The following SAA1 variants were observed in gnomAD, a reference collection of about 807,000 sequenced individuals.
SAA1 encodes serum amyloid A1.
A neutral mutation model predicts 9.8 loss-of-function variants in SAA1; 4 were observed. The observed-to-expected ratio is 0.41, with a 90% confidence interval of 0.20 to 0.93. The LOEUF (loss-of-function observed/expected upper bound fraction) is 0.93. SAA1 is among the 40% of genes least tolerant of loss of function. The pLI is 0.33. For missense variants in SAA1, 114 were observed against 155.5 expected (o/e 0.73, Z 1.42); for synonymous variants, 47 against 57.7 (o/e 0.82, Z 0.84).
chr11:18,268,831 T>TAAAAAAAAAAA (rs371021832), intron 2 of SAA1, among the ~76,000 whole-genome samples: 7 of 110,624 alleles, frequency 6.3e-5, no homozygotes, highest in African/African-American at 1.1e-4. Flanking sequence ...AGACTCTGTC[T>TAAAAAAAAAAA]AAAAAAAAAA....
At chr11:18,269,481 G>T in intron 3 of SAA1, 148 bp downstream of exon 3, 3 of 1,448,440 alleles carry the variant, frequency 2.1e-6, no homozygotes, top group Non-Finnish European at 2.7e-6. Context: ...CTCAGTGTGA[G>T]GTCTGAGTGG....
intron 1 of SAA1, 102 bp downstream of exon 1, chr11:18,266,398 C>T (rs1055328589): frequency 2.6e-5 from 4 of 152,660 alleles, no homozygotes; most frequent in African/African-American, 9.8e-5. Context: ...CTGGGGCATA[C>T]AGCCATACCA....
Position 18,266,940 on chromosome 11 carries a change from G to A in SAA1, c.53G>A (p.Ser18Asn). ...VFCSLVLGVS[S>N]RSFFSFLGEA... ...TGCTCCTTGGTCCTGGGTGTCAGCAGCCGAAGCTTCTTTTCGTTCCTTGGC... is the reference window on the plus strand; with the variant it reads ...TGCTCCTTGGTCCTGGGTGTCAGCAACCGAAGCTTCTTTTCGTTCCTTGGC... Residue 18 changes from serine to asparagine, a missense_variant, in exon 2 of 4, where the codon AGC (serine) becomes AAC (asparagine). This residue lies in a region of SAA1 where 46 missense variants were observed against 100.8 expected (regional missense o/e 0.46). Transcript: ENST00000356524. 1.2e-6 allele frequency: 2 copies of A among 1,612,086 alleles called. No homozygotes were observed. Among genetic ancestry groups the A allele is most frequent in the African/African-American group, 1.3e-5 (1 of 74,250 alleles).
At chr11:18,268,395 G>A (rs1368267422) in intron 2 of SAA1, among the ~76,000 whole-genome samples, 1 of 151,980 alleles carries the variant, frequency 6.6e-6, no homozygotes, top group African/African-American at 2.4e-5. Flanking sequence ...AGAAAGTGCA[G>A]CCAAGGCAGA....
chr11:18,269,070 T>A, intron 2 of SAA1, 125 bp from the exon 3 acceptor site: 1 of 1,461,190 alleles, frequency 6.8e-7, no homozygotes, highest in East Asian at 2.3e-5. Flanking sequence ...TATCCAAGGC[T>A]GCTATGATCA....
chr11:18,269,064 C>G, intron 2 of SAA1, 131 bp from the exon 3 acceptor site: 2 of 1,370,600 alleles, frequency 1.5e-6, no homozygotes, highest in African/African-American at 1.5e-5. Flanking sequence ...CCATGGTATC[C>G]AAGGCTGCTA....
chr11:18,266,639 T>C, intron 1 of SAA1: 2 of 548,262 alleles, frequency 3.6e-6, no homozygotes, highest in South Asian at 4.3e-5. Flanking sequence ...AGTCTGGTGG[T>C]AACTCCTGCC....
intron 2 of SAA1, among the ~76,000 whole-genome samples, chr11:18,268,193 A>G (rs2134166381): frequency 6.6e-6 from 1 of 152,004 alleles, no homozygotes. Flanking sequence ...CAACATGGTG[A>G]AACCCCGTCT....
chr11:18,266,962 T>A lies in SAA1; in HGVS notation c.75T>A (p.Leu25=). 2 of 1,608,516 alleles carry A rather than the reference T, an allele frequency of 1.2e-6. No individual in the cohort carries two copies. The highest frequency in any genetic ancestry group is 1.7e-6 in the Non-Finnish European group (2 of 1,178,382). ...GCAGCCGAAGCTTCTTTTCGTTCCT[T>A]GGCGAGGCTTTTGATGGTAAGGCTT... ...GVSSRSFFSF[L]GEAFDGARDM... is the part of the protein sequence containing the mutation. The change falls in exon 2 of 4, where the codon CTT becomes CTA. Residue 25 remains leucine, a synonymous_variant. Coordinates refer to ENST00000356524, the MANE Select transcript of SAA1 (RefSeq NM_199161.5).
chr11:18,268,640 T>C (rs557582033), intron 2 of SAA1, among the ~76,000 whole-genome samples: 1 of 152,198 alleles, frequency 6.6e-6, no homozygotes, highest in South Asian at 2.1e-4. Flanking sequence ...GAGACCAGCC[T>C]GACCAACATG....
At chr11:18,268,925 G>A (rs529253952) in intron 2 of SAA1, among the ~76,000 whole-genome samples, 1 of 150,542 alleles carries the variant, frequency 6.6e-6, no homozygotes, top group African/African-American at 2.5e-5. Flanking sequence ...CTCAGCATCA[G>A]TATTCCATGT....
chr11:18,269,815 C>A lies in SAA1; in HGVS notation c.329C>A (p.Pro110His). The A allele has an allele frequency of 6.2e-7, 1 of 1,614,170 alleles. No individual in the cohort carries two copies. Among genetic ancestry groups the A allele is most frequent in the South Asian group, 1.1e-5 (1 of 91,082 alleles). ...ANEWGRSGKD[P>H]NHFRPAGLPE... The stretch of plus-strand genomic sequence containing the variant: ...GAATGGGGCAGGAGTGGCAAAGACC[C>A]CAATCACTTCCGACCTGCTGGCCTG... The change falls in exon 4 of 4, where the codon CCC becomes CAC. Residue 110 changes from proline to histidine, a missense_variant. Physicochemically the swap from Pro to His is moderately conservative, Grantham distance 77 (BLOSUM62 -2). Around this residue, in one of 2 missense-constraint regions of SAA1, gnomAD observed 68 missense variants for 54.7 expected, o/e 1.24. Transcript: ENST00000356524.
rs371021832 is a variant in SAA1, at chr11:18,268,831, TAAAAAAAAAAAA to T, written c.92-343_92-332del. Among the ~76,000 whole-genome samples, 73 of 110,640 alleles carry T rather than the reference TAAAAAAAAAAAA, an allele frequency of 6.6e-4. 1 individual carries two copies. Among genetic ancestry groups the T allele is most frequent in the Admixed American group, 5.7e-3 (63 of 11,048 alleles). 72.6% of individuals were successfully genotyped at this position (110,640 alleles called of 152,430 possible). A position where few individuals can be genotyped will look rare whatever the true frequency, so the allele number is the denominator to read the frequency against. ...CTGGGCGACAGAGCAAGACTCTGTCTAAAAAAAAAAAAAAAAAAAAAAAAAAAAAAAAGAATA... is the reference window on the plus strand; with the variant it reads ...CTGGGCGACAGAGCAAGACTCTGTCTAAAAAAAAAAAAAAAAAAAAGAATA... On this transcript the variant is annotated intron_variant, in intron 2 of 3. Transcript: ENST00000356524.
chr11:18,268,232 CGTGG>C (rs1226787048), intron 2 of SAA1, among the ~76,000 whole-genome samples: 4 of 152,016 alleles, frequency 2.6e-5, no homozygotes, highest in Non-Finnish European at 5.9e-5. Flanking sequence ...TGTAGCCAGG[CGTGG>C]TGGCAGGCAC....
At chr11:18,269,545 C>G (rs1226674241) in intron 3 of SAA1, among the ~76,000 whole-genome samples, 172 bp from the exon 4 acceptor site, 1 of 152,214 alleles carries the variant, frequency 6.6e-6, no homozygotes, top group Non-Finnish European at 1.5e-5. Context: ...GTTCATCCAG[C>G]CTAGGGGTGC....
At chr11:18,268,831 T>TAAAAAAAAAA (rs371021832) in intron 2 of SAA1, among the ~76,000 whole-genome samples, 28 of 110,582 alleles carry the variant, frequency 2.5e-4, no homozygotes, top group South Asian at 6.2e-4. Flanking sequence ...AGACTCTGTC[T>TAAAAAAAAAA]AAAAAAAAAA....
At chr11:18,268,119 C>A (rs1363352199) in intron 2 of SAA1, among the ~76,000 whole-genome samples, 4 of 151,950 alleles carry the variant, frequency 2.6e-5, no homozygotes, top group Non-Finnish European at 5.9e-5. Context: ...GCCTGTAATT[C>A]CAGCACTTTG....
Position 18,269,811 on chromosome 11 carries a change from G to C in SAA1, c.325G>C (p.Asp109His), listed in dbSNP as rs762516122. The C allele has an allele frequency of 1.4e-4, 224 of 1,614,052 alleles. No individual in the cohort carries two copies. Among genetic ancestry groups the C allele is most frequent in the Non-Finnish European group, 1.9e-4 (220 of 1,180,034 alleles). ...AANEWGRSGK[D>H]PNHFRPAGLP... ...CAATGAATGGGGCAGGAGTGGCAAA[G>C]ACCCCAATCACTTCCGACCTGCTGG... Residue 109 changes from aspartate (D) to histidine (H), a missense_variant, in exon 4 of 4, where the codon GAC becomes CAC. Transcript: ENST00000356524.
At position 18,269,247 on chromosome 11, in the gene SAA1, C is replaced by A; in HGVS notation, c.144C>A (p.Ile48=). 2 of 1,602,284 alleles carry A rather than the reference C, an allele frequency of 1.2e-6. No homozygotes were observed. The highest frequency in any genetic ancestry group is 1.7e-6 in the Non-Finnish European group (2 of 1,174,050). ...AYSDMREANY[I]GSDKYFHARG... ...CTGACATGAGAGAAGCCAATTACAT[C>A]GGCTCAGACAAATACTTCCATGCTC... Residue 48 remains isoleucine, a synonymous_variant, in exon 3 of 4, where the codon ATC becomes ATA. Coordinates refer to ENST00000356524, the MANE Select transcript of SAA1 (RefSeq NM_199161.5).
Sources: allele counts gnomAD v4.1 joint callset (sites outside exome capture counted in the v4.1 genomes callset), GRCh38; gene constraint gnomAD v4.1.1; regional missense constraint gnomAD v4.1.1; transcripts MANE v1.5; gene names NCBI Gene and HGNC (gene_info 2026-07-23, HGNC 2026-07-21).